The following E2F7 variants were observed in gnomAD, a reference collection of about 807,000 sequenced individuals.
The protein encoded by E2F7 is E2F transcription factor 7.
E2F7 carries 35 observed loss-of-function variants against 81.1 expected under a neutral mutation model. That is an observed-to-expected ratio of 0.43 (90% CI 0.33 to 0.57). The LOEUF is 0.57. Ranked by LOEUF, E2F7 falls within the 20% of genes least tolerant of loss-of-function variation. E2F7 has a pLI of 0.04. For missense variants in E2F7, 961 were observed against 1,093.7 expected, an observed-to-expected ratio of 0.88 and a Z score of 1.71; for synonymous variants, 416 against 416.2, an observed-to-expected ratio of 1.00 and a Z score of 0.01.
At chr12:77,061,480 T>C (rs1015153980) in intron 2 of E2F7, among the ~76,000 whole-genome samples, 1 of 152,186 alleles carries the variant, frequency 6.6e-6, no homozygotes. Flanking sequence ...ACAGCTCAAG[T>C]GCTAGCTCCT....
intron 7 of E2F7, among the ~76,000 whole-genome samples, chr12:77,034,885 AAG>A (rs1954835953): frequency 6.6e-6 from 1 of 152,262 alleles, no homozygotes; most frequent in Non-Finnish European, 1.5e-5. Flanking sequence ...CAACAACAAA[AAG>A]TCACCTTCAC....
intron 2 of E2F7, among the ~76,000 whole-genome samples, chr12:77,063,986 G>A (rs1441553645): frequency 6.6e-6 from 1 of 152,184 alleles, no homozygotes; most frequent in East Asian, 1.9e-4. Flanking sequence ...ATCACAAGGG[G>A]TGCAAAATGT....
At chr12:77,036,587 C>A (rs572554610) in intron 7 of E2F7, among the ~76,000 whole-genome samples, 1 of 151,882 alleles carries the variant, frequency 6.6e-6, no homozygotes, top group East Asian at 1.9e-4. Context: ...AAATCTTCAA[C>A]GCAAAATTCT....
intron 5 of E2F7, among the ~76,000 whole-genome samples, chr12:77,045,384 A>G (rs772974379): frequency 2.0e-5 from 3 of 152,202 alleles, no homozygotes; most frequent in Non-Finnish European, 4.4e-5. Context: ...GGTTATTAAG[A>G]TAAGTACTGG....
At chr12:77,047,876 T>G (rs1032594880) in intron 4 of E2F7, among the ~76,000 whole-genome samples, 1 of 152,172 alleles carries the variant, frequency 6.6e-6, no homozygotes, top group Non-Finnish European at 1.5e-5. Flanking sequence ...TTTCATGTAT[T>G]AACACATCTT....
At chr12:77,035,405 C>T (rs542389605) in intron 7 of E2F7, among the ~76,000 whole-genome samples, 210 of 152,310 alleles carry the variant, frequency 1.4e-3, no homozygotes, top group African/African-American at 4.9e-3. Flanking sequence ...GGGTACAATG[C>T]AGCTCATATA....
At chr12:77,056,163 A>C (rs758531314) in intron 2 of E2F7, 33 bp from the exon 3 acceptor site, 12 of 1,553,302 alleles carry the variant, frequency 7.7e-6, no homozygotes, top group Non-Finnish European at 1.0e-5. Context: ...AGCAAGAATG[A>C]GAAAGGGCAG....
chr12:77,028,768 C>T (rs572762257), intron 10 of E2F7, among the ~76,000 whole-genome samples: 17 of 152,262 alleles, frequency 1.1e-4, no homozygotes, highest in East Asian at 3.9e-4. Context: ...CCACCGCGCC[C>T]GGCTGGGATT....
At position 77,025,795 on chromosome 12, in the gene E2F7, T is replaced by C. The variant is rs773041203; in HGVS notation, c.2328A>G (p.Pro776=). The C allele has an allele frequency of 9.3e-6, 15 of 1,613,934 alleles. No homozygotes were observed. The highest frequency in any genetic ancestry group is 5.0e-5 in the Admixed American group (3 of 59,978). Residue 776 remains proline (P), a synonymous_variant, in exon 12 of 13, where the codon CCA becomes CCG. Transcript: ENST00000322886. ...AGCTGAAATTCACAGGTCCTGTGTT[T>C]GGGAGAGCACCAAGAGTAGAAGAAA... ...GPVSSTLGAL[P]NTGPVNFSLP...
chr12:77,056,186 A>G lies in E2F7; in HGVS notation c.94-56T>C, dbSNP rs1357155958. On this transcript the variant is annotated intron_variant, in intron 2 of 12. Transcript: ENST00000322886. ...TGAGAAAGGGCAGGTATCAGCTAAG[A>G]GTATACTTTGTTCCCACCATTCACT... 9 of 1,496,760 alleles carry G rather than the reference A, an allele frequency of 6.0e-6. No individual in the cohort carries two copies. The East Asian group carries it at 1.4e-4, about 23-fold the overall frequency. 92.7% of individuals were successfully genotyped at this position (1,496,760 alleles called of 1,614,324 possible).
At chr12:77,046,381 A>T (rs545870839) in intron 4 of E2F7, 53 bp from the exon 5 acceptor site, 2 of 1,567,798 alleles carry the variant, frequency 1.3e-6, no homozygotes, top group East Asian at 4.5e-5. Flanking sequence ...ATTTTTGAAG[A>T]GAAGTTCCTT....
chr12:77,025,746 G>A lies in E2F7; in HGVS notation c.2377C>T (p.Gln793Ter), dbSNP rs1954752519. 1 of 1,614,024 alleles carries A rather than the reference G, an allele frequency of 6.2e-7. No individual in the cohort carries two copies. The highest frequency in any genetic ancestry group is 1.7e-5 in the Admixed American group (1 of 60,002). Reference protein sequence around the residue: ...FSLPGLGSIAQLLVGPTAVVN... With the variant: ...FSLPGLGSIA ...ACAGCTGTGGGGCCGACGAGAAGCTGGGCTATTGATCCAAGGCCAGGCAAG... is the reference window on the plus strand; with the variant it reads ...ACAGCTGTGGGGCCGACGAGAAGCTAGGCTATTGATCCAAGGCCAGGCAAG... Residue 793 changes from glutamine (Q) to a stop codon, truncating the protein, a stop_gained, in exon 12 of 13, where the codon CAG (glutamine) becomes TAG (stop). Coordinates refer to ENST00000322886, the MANE Select transcript of E2F7 (RefSeq NM_203394.3). LOFTEE classifies it high-confidence loss of function.
At chr12:77,026,053 T>C in intron 11 of E2F7, 71 bp from the exon 12 acceptor site, 1 of 1,469,122 alleles carries the variant, frequency 6.8e-7, no homozygotes, top group Non-Finnish European at 9.0e-7. Flanking sequence ...CTCACATTTG[T>C]CATGGCCCTT....
chr12:77,040,238 A>T (rs1017967896), intron 7 of E2F7, among the ~76,000 whole-genome samples: 12 of 152,350 alleles, frequency 7.9e-5, no homozygotes, highest in African/African-American at 2.9e-4. Flanking sequence ...ACTGTAACTC[A>T]TGCCTGATCA....
At chr12:77,038,457 G>C (rs1355697033) in intron 7 of E2F7, among the ~76,000 whole-genome samples, 2 of 152,026 alleles carry the variant, frequency 1.3e-5, no homozygotes, top group Non-Finnish European at 2.9e-5. Context: ...CTAAGAGAAA[G>C]GTATGTGGAA....
intron 5 of E2F7, 67 bp downstream of exon 5, chr12:77,045,971 G>A (rs1294902196): frequency 6.4e-7 from 1 of 1,552,518 alleles, no homozygotes; most frequent in Admixed American, 1.8e-5. Flanking sequence ...TCTGAGCAGT[G>A]AATCTGCAGA....
intron 2 of E2F7, among the ~76,000 whole-genome samples, chr12:77,058,311 C>T (rs907231979): frequency 2.8e-4 from 43 of 152,046 alleles, no homozygotes; most frequent in African/African-American, 7.0e-4. Context: ...AATATTTTTC[C>T]GTTGTATAGA....
intron 7 of E2F7, among the ~76,000 whole-genome samples, chr12:77,038,221 A>T (rs1954869103): frequency 6.6e-6 from 1 of 152,202 alleles, no homozygotes; most frequent in Non-Finnish European, 1.5e-5. Context: ...TTCAATATCC[A>T]TCTATCAATA....
At chr12:77,046,894 A>C (rs143208473) in intron 4 of E2F7, among the ~76,000 whole-genome samples, 2,130 of 152,340 alleles carry the variant, frequency 0.014, 47 homozygotes, top group African/African-American at 0.048. Flanking sequence ...TATGTTTTCT[A>C]TTTTGAACTG....
Sources: gnomAD v4.1 joint callset for allele counts (sites outside exome capture counted in the v4.1 genomes callset) on GRCh38, gnomAD v4.1.1 for gene constraint, MANE v1.5 for transcripts, NCBI Gene and HGNC (gene_info 2026-07-23, HGNC 2026-07-21) for gene names.